INVS: variants seen among roughly 807,000 people sequenced by gnomAD.
INVS encodes inversin.
A neutral mutation model predicts 108.8 loss-of-function variants in INVS; 86 were observed. The ratio of observed to expected loss-of-function variants is 0.79; its 90% confidence interval spans 0.66 to 0.95. The LOEUF is 0.95. INVS is among the 40% of genes least tolerant of loss of function. INVS has a pLI of 0.00. For synonymous variants in INVS, 455 were observed against 473.5 expected (o/e 0.96, Z 0.51); for missense variants, 1,169 against 1,297.4 (o/e 0.90, Z 1.52).
At position 100,301,501 on chromosome 9, in the gene INVS, C is replaced by CAGA. The variant is rs924657407; in HGVS notation, c.*830_*832dup. Reference sequence around the variant, plus strand: ...CTACTTGTATTTTCTGACCAACTTGCAGAAGTGAGCAATCTTCTTAAAATG... The same window carrying CAGA: ...CTACTTGTATTTTCTGACCAACTTGCAGAAGAAGTGAGCAATCTTCTTAAAATG... On this transcript the variant is annotated 3_prime_UTR_variant, in exon 17 of 17. Coordinates refer to ENST00000262457, the MANE Select transcript of INVS (RefSeq NM_014425.5). 2.6e-5 allele frequency among the ~76,000 whole-genome samples: 4 copies of CAGA among 152,148 alleles called. No individual in the cohort carries two copies. The highest frequency in any genetic ancestry group is 9.7e-5 in the African/African-American group (4 of 41,426).
chr9:100,170,918 T>C (rs1027085634), intron 3 of INVS, among the ~76,000 whole-genome samples: 5 of 152,156 alleles, frequency 3.3e-5, no homozygotes, highest in Admixed American at 2.6e-4. Flanking sequence ...ATTCCTGTGT[T>C]AAATGCTAGG....
intron 4 of INVS, among the ~76,000 whole-genome samples, chr9:100,228,930 T>C (rs1027295648): frequency 2.6e-5 from 4 of 152,226 alleles, no homozygotes; most frequent in Non-Finnish European, 5.9e-5. Context: ...TTCCCGTCAA[T>C]AGGAACACAT....
intron 12 of INVS, among the ~76,000 whole-genome samples, chr9:100,281,197 A>C (rs956467450): frequency 2.6e-5 from 4 of 152,188 alleles, no homozygotes; most frequent in Non-Finnish European, 5.9e-5. Flanking sequence ...CAGGAGATAA[A>C]GCAGCTGCGT....
At chr9:100,223,164 C>G (rs1356016794) in intron 3 of INVS, among the ~76,000 whole-genome samples, 1 of 151,550 alleles carries the variant, frequency 6.6e-6, no homozygotes, top group East Asian at 1.9e-4. Context: ...GGTGCAATCT[C>G]AGCTTACTGG....
intron 3 of INVS, among the ~76,000 whole-genome samples, chr9:100,140,724 G>A (rs989661923): frequency 6.6e-6 from 1 of 152,190 alleles, no homozygotes; most frequent in Non-Finnish European, 1.5e-5. Context: ...GGAATTAGGG[G>A]CGGTGTGGGA....
At position 100,146,122 on chromosome 9, in the gene INVS, G is replaced by A. The variant is rs550348957; in HGVS notation, c.273+19573G>A. ...CGAGTCACAGCACCAAATTTCATGC[G>A]CATCTGTGTAAAGAGACCAACAAGC... On this transcript the variant is annotated intron_variant, in intron 3 of 16. Transcript: ENST00000262457. 2.0e-5 allele frequency among the ~76,000 whole-genome samples: 3 copies of A among 152,308 alleles called. No homozygotes were observed. In the East Asian group the frequency reaches 5.8e-4, roughly 29 times the overall value.
chr9:100,122,096 T>C (rs1351863456), intron 2 of INVS, among the ~76,000 whole-genome samples: 1 of 152,240 alleles, frequency 6.6e-6, no homozygotes, highest in Admixed American at 6.5e-5. Flanking sequence ...CAGTATATTG[T>C]ATATTTTGGT....
chr9:100,272,939 G>C lies in INVS; in HGVS notation c.1647G>C (p.Leu549=). ...VIQFMLEHGA[L]SIAAIQDIAA... ...AGTTCATGTTGGAGCACGGTGCCCTGTCCATCGCAGCCATACAAGACATCG... is the reference window on the plus strand; with the variant it reads ...AGTTCATGTTGGAGCACGGTGCCCTCTCCATCGCAGCCATACAAGACATCG... The change falls in exon 12 of 17, where the codon CTG becomes CTC. Residue 549 remains leucine (L), a synonymous_variant. Transcript: ENST00000262457. 1 of 1,614,082 alleles carries C rather than the reference G, an allele frequency of 6.2e-7. No homozygotes were observed.
Position 100,277,015 on chromosome 9 carries a change from G to A in INVS, c.1784+3939G>A, listed in dbSNP as rs60667129. Among the ~76,000 whole-genome samples the A allele has an allele frequency of 9.0e-3, 1,368 of 152,184 alleles. 17 individuals are homozygous for A. The highest frequency in any genetic ancestry group is 0.03 in the African/African-American group (1,254 of 41,498). On this transcript the variant is annotated intron_variant, in intron 12 of 16. Transcript: ENST00000262457. ...TGATTATGTTTCTAAGAGTTTCATCGTCACGTCCAGTTTTGGTAACCCAGT... is the reference window on the plus strand; with the variant it reads ...TGATTATGTTTCTAAGAGTTTCATCATCACGTCCAGTTTTGGTAACCCAGT...
At chr9:100,251,975 G>C (rs1489440867) in intron 8 of INVS, among the ~76,000 whole-genome samples, 2 of 152,094 alleles carry the variant, frequency 1.3e-5, no homozygotes. Flanking sequence ...AAGAGAAAAA[G>C]AGAAAACTAA....
At chr9:100,288,039 T>A (rs1450946862) in intron 13 of INVS, among the ~76,000 whole-genome samples, 2 of 152,168 alleles carry the variant, frequency 1.3e-5, no homozygotes, top group African/African-American at 4.8e-5. Flanking sequence ...ATAACCACAG[T>A]AGACAAAAGA....
intron 3 of INVS, among the ~76,000 whole-genome samples, chr9:100,162,697 G>A (rs1461795539): frequency 1.3e-5 from 2 of 151,982 alleles, no homozygotes; most frequent in African/African-American, 4.8e-5. Flanking sequence ...TCACCTTGGC[G>A]GGCACCAGTA....
At chr9:100,216,118 G>A (rs993743198) in intron 3 of INVS, among the ~76,000 whole-genome samples, 1 of 152,172 alleles carries the variant, frequency 6.6e-6, no homozygotes, top group African/African-American at 2.4e-5. Context: ...GACCCAAAGT[G>A]TCTGATTGGC....
chr9:100,156,275 T>G (rs1470970403), intron 3 of INVS, among the ~76,000 whole-genome samples: 1 of 150,988 alleles, frequency 6.6e-6, no homozygotes, highest in Non-Finnish European at 1.5e-5. Context: ...TTTTTTTTTT[T>G]TTTGAGACAG....
At chr9:100,292,010 A>G (rs1210302302) in intron 13 of INVS, among the ~76,000 whole-genome samples, 2 of 152,190 alleles carry the variant, frequency 1.3e-5, no homozygotes, top group East Asian at 3.8e-4. Flanking sequence ...CAGTCACTGG[A>G]TCAGCTCACA....
intron 3 of INVS, among the ~76,000 whole-genome samples, chr9:100,184,675 T>C (rs1830003843): frequency 1.3e-5 from 2 of 152,122 alleles, no homozygotes; most frequent in East Asian, 1.9e-4. Flanking sequence ...ATATTTAGAA[T>C]AATATGACTT....
intron 4 of INVS, among the ~76,000 whole-genome samples, chr9:100,228,432 A>G (rs1416616912): frequency 1.3e-5 from 2 of 152,230 alleles, no homozygotes; most frequent in African/African-American, 4.8e-5. Flanking sequence ...AAATTTGTCT[A>G]CTGATACATG....
intron 3 of INVS, among the ~76,000 whole-genome samples, chr9:100,202,790 A>G (rs1287787402): frequency 2.0e-5 from 3 of 152,210 alleles, no homozygotes; most frequent in East Asian, 3.8e-4. Flanking sequence ...AAGCAGTCTC[A>G]TTCATAAATT....
chr9:100,191,920 G>T (rs1830234329), intron 3 of INVS, among the ~76,000 whole-genome samples: 1 of 151,970 alleles, frequency 6.6e-6, no homozygotes, highest in Non-Finnish European at 1.5e-5. Context: ...GCCCAATTTG[G>T]CTCTTGATGA....
Sources: allele counts gnomAD v4.1 joint callset (sites outside exome capture counted in the v4.1 genomes callset), GRCh38; gene constraint gnomAD v4.1.1; transcripts MANE v1.5; gene names NCBI Gene and HGNC (gene_info 2026-07-23, HGNC 2026-07-21).